RGS12: variants seen among roughly 807,000 people sequenced by gnomAD.
The protein encoded by RGS12 is regulator of G-protein signaling 12.
RGS12 carries 66 observed loss-of-function variants against 120.1 expected under a neutral mutation model. That is an observed-to-expected ratio of 0.55 (90% CI 0.45 to 0.67). The LOEUF is 0.67. Ranked by LOEUF, RGS12 falls within the 30% of genes least tolerant of loss-of-function variation. The pLI is 0.00. For missense variants in RGS12, 1,859 were observed against 1,957.7 expected (o/e 0.95, Z 0.95); for synonymous variants, 827 against 804.7 (o/e 1.03, Z -0.47).
chr4:3,364,268 T>C (rs756818018), intron 3 of RGS12, among the ~76,000 whole-genome samples: 30 of 152,146 alleles, frequency 2.0e-4, no homozygotes, highest in Admixed American at 5.2e-4. Context: ...GCTCCTGGGC[T>C]CGTTACGTCC....
chr4:3,433,504 A>G lies in RGS12; in HGVS notation c.4114+2549A>G, dbSNP rs1724527683. 6.7e-6 allele frequency among the ~76,000 whole-genome samples: 1 copy of G among 150,126 alleles called. No homozygotes were observed. The highest frequency in any genetic ancestry group is 6.6e-5 in the Admixed American group (1 of 15,178). ...ACCACCCCATCCTAGCCCCAGCACC[A>G]CGTGCCATGCCACCCTGTCCTAGCC... On this transcript the variant is annotated intron_variant, in intron 17 of 17. Transcript: ENST00000336727. The surrounding 1 kb of genome is among the most constrained non-coding windows in gnomAD (Gnocchi z 4.4).
chr4:3,293,762 CAG>C (rs1479010322), intron 1 of RGS12, among the ~76,000 whole-genome samples: 1 of 149,972 alleles, frequency 6.7e-6, no homozygotes, highest in Non-Finnish European at 1.5e-5. Context: ...GGAGTGTAGA[CAG>C]AGAGGGGGCC....
intron 3 of RGS12, among the ~76,000 whole-genome samples, chr4:3,353,199 G>T (rs1714536743): frequency 6.6e-6 from 1 of 152,192 alleles, no homozygotes; most frequent in Non-Finnish European, 1.5e-5. Context: ...TTTGCTGGAG[G>T]GTGGGAGGGT....
chr4:3,350,897 A>G (rs1325188775), intron 3 of RGS12, among the ~76,000 whole-genome samples: 1 of 152,200 alleles, frequency 6.6e-6, no homozygotes, highest in East Asian at 1.9e-4. Context: ...ACAGACACAA[A>G]TAAAGATCTT....
chr4:3,322,288 G>C (rs1354402032), intron 2 of RGS12, among the ~76,000 whole-genome samples: 2 of 152,246 alleles, frequency 1.3e-5, no homozygotes, highest in East Asian at 3.8e-4. Flanking sequence ...AAGGGGAGCT[G>C]AGTTACTTGT....
chr4:3,316,629 C>A lies in RGS12; in HGVS notation c.459C>A (p.Asn153Lys). ...GAATTTTCAATATGATTTTTGAAAACCCGAGCCTTTGTGCGAGCAATTCAG... is the reference window on the plus strand; with the variant it reads ...GAATTTTCAATATGATTTTTGAAAAACCGAGCCTTTGTGCGAGCAATTCAG... ...SGGIFNMIFE[N>K]PSLCASNSEP... Residue 153 changes from asparagine to lysine, a missense_variant, in exon 2 of 18, where the codon AAC (asparagine) becomes AAA (lysine). Coordinates refer to ENST00000336727, the MANE Select transcript of RGS12 (RefSeq NM_001394154.1). 6.2e-7 allele frequency: 1 copy of A among 1,614,108 alleles called. No individual in the cohort carries two copies. Among genetic ancestry groups the A allele is most frequent in the Non-Finnish European group, 8.5e-7 (1 of 1,180,016 alleles).
rs943541651 is a variant in RGS12 at position 3,366,032 on chromosome 4, C to T, written c.1999-20384C>T. ...CTGCATGGGGCACCGTTGCGTGGGG[C>T]GTGCTCGAGGTGGAGACGGCTGTGA... is the stretch of plus-strand genomic sequence containing the variant. On this transcript the variant is annotated intron_variant, in intron 3 of 17. Transcript: ENST00000336727. This position sits in a 1 kb window ranked among gnomAD's most constrained non-coding sequence, Gnocchi z 4.0. 2.0e-5 allele frequency among the ~76,000 whole-genome samples: 3 copies of T among 152,064 alleles called. No individual in the cohort carries two copies. Among genetic ancestry groups the T allele is most frequent in the Non-Finnish European group, 4.4e-5 (3 of 68,012 alleles).
chr4:3,324,976 C>T, intron 2 of RGS12, among the ~76,000 whole-genome samples: 1 of 152,124 alleles, frequency 6.6e-6, no homozygotes, highest in East Asian at 1.9e-4. Flanking sequence ...GATTGTAGGC[C>T]TTTTTCTTAT....
At chr4:3,416,144 T>C (rs763126063) in intron 7 of RGS12, 23 bp downstream of exon 7, 51 of 1,612,962 alleles carry the variant, frequency 3.2e-5, no homozygotes, top group Non-Finnish European at 3.4e-5. Flanking sequence ...TGTGGGAGCT[T>C]GTGGGGAGTC....
intron 4 of RGS12, among the ~76,000 whole-genome samples, chr4:3,395,241 C>G (rs116414925): frequency 1.2e-3 from 189 of 151,728 alleles, no homozygotes; most frequent in African/African-American, 4.3e-3. Flanking sequence ...GCAGCGTATG[C>G]TGTTTAGTGT....
intron 1 of RGS12, 77 bp downstream of exon 1, chr4:3,293,176 G>A (rs2110339693): frequency 6.8e-6 from 1 of 146,096 alleles, no homozygotes; most frequent in South Asian, 2.1e-4. Context: ...CGGGGCGCGC[G>A]CCCGCGCCCT....
rs138540697 is a variant in RGS12, at chr4:3,295,294, C to T, written c.-102+2195C>T. Among the ~76,000 whole-genome samples the T allele has an allele frequency of 8.7e-3, 1,330 of 152,292 alleles. 14 individuals are homozygous for T. The highest frequency in any genetic ancestry group is 0.031 in the Middle Eastern group (9 of 294). ...ATAGAAGGGGGCTGAGTGGGCTCTG[C>T]AGGCCTGGTTGACAGTATGTGGATC... On this transcript the variant is annotated intron_variant, in intron 1 of 17. Transcript: ENST00000336727.
At position 3,374,209 on chromosome 4, in the gene RGS12, G is replaced by A. The variant is rs374008295; in HGVS notation, c.1999-12207G>A. ...ATCCTACGCATGATGCAGGGACCCCGGCCCTCCGCAGACAGCAGGAGCTGC... is the reference window on the plus strand; with the variant it reads ...ATCCTACGCATGATGCAGGGACCCCAGCCCTCCGCAGACAGCAGGAGCTGC... On this transcript the variant is annotated intron_variant, in intron 3 of 17. Coordinates refer to ENST00000336727, the MANE Select transcript of RGS12 (RefSeq NM_001394154.1). This position sits in a 1 kb window ranked among gnomAD's most constrained non-coding sequence, Gnocchi z 6.3. Among the ~76,000 whole-genome samples the A allele has an allele frequency of 3.3e-5, 5 of 152,360 alleles. No individual in the cohort carries two copies. The East Asian group carries it at 5.8e-4, about 18-fold the overall frequency.
chr4:3,381,055 T>C (rs1203752997), intron 3 of RGS12, among the ~76,000 whole-genome samples: 3 of 152,258 alleles, frequency 2.0e-5, no homozygotes, highest in South Asian at 2.1e-4. Flanking sequence ...TTCTTCTGCA[T>C]GACACCCTAA....
chr4:3,306,911 G>A (rs960990446), intron 1 of RGS12, among the ~76,000 whole-genome samples: 1 of 152,174 alleles, frequency 6.6e-6, no homozygotes, highest in Non-Finnish European at 1.5e-5. Context: ...AGGGAGTGAC[G>A]GTGGATTCCA....
chr4:3,370,021 T>C, intron 3 of RGS12: 3 of 1,250,004 alleles, frequency 2.4e-6, no homozygotes, highest in Non-Finnish European at 3.0e-6. Flanking sequence ...GTAGAGGAAA[T>C]AGTTTAAAAA....
intron 2 of RGS12, among the ~76,000 whole-genome samples, chr4:3,331,326 G>A (rs1274556903): frequency 2.0e-5 from 3 of 152,020 alleles, no homozygotes; most frequent in African/African-American, 7.2e-5. Context: ...AATGAAAACT[G>A]GGAAGAATCC....
At chr4:3,427,677 A>G (rs931591671) in intron 14 of RGS12, among the ~76,000 whole-genome samples, 4 of 152,204 alleles carry the variant, frequency 2.6e-5, no homozygotes, top group Admixed American at 2.6e-4. Flanking sequence ...CGGGGGTTGC[A>G]GTGAGCCGAG....
At chr4:3,392,815 C>T (rs1719643322) in intron 4 of RGS12, among the ~76,000 whole-genome samples, 1 of 152,052 alleles carries the variant, frequency 6.6e-6, no homozygotes, top group South Asian at 2.1e-4. Context: ...ATGGTGAAAC[C>T]CCGTGTCTAA....
Sources: gnomAD v4.1 joint callset for allele counts (sites outside exome capture counted in the v4.1 genomes callset) on GRCh38, gnomAD v4.1.1 for gene constraint, Gnocchi (gnomAD v3.1) non-coding constraint, MANE v1.5 for transcripts, NCBI Gene and HGNC (gene_info 2026-07-23, HGNC 2026-07-21) for gene names.